TNRC18: variants seen among roughly 807,000 people sequenced by gnomAD.
TNRC18 encodes the protein trinucleotide repeat containing 18.
Under a neutral mutation model 226.7 loss-of-function variants are expected in TNRC18, and 69 were observed. The observed-to-expected ratio is 0.30, with a 90% CI of 0.25 to 0.37. The LOEUF (loss-of-function observed/expected upper bound fraction) is 0.37, where lower values mean the gene tolerates loss of function less well. TNRC18 is among the 10% of genes least tolerant of loss of function. The probability of loss-of-function intolerance (pLI) is 1.00; values close to 1 mark genes in which losing one functional copy is unlikely to be tolerated. For synonymous variants in TNRC18, 2,449 were observed against 1,927.6 expected (o/e 1.27, Z -7.09); for missense variants, 4,754 against 4,256.6 (o/e 1.12, Z -3.25).
chr7:5,347,313 G>A (rs925015322), intron 17 of TNRC18, among the ~76,000 whole-genome samples: 1 of 149,336 alleles, frequency 6.7e-6, no homozygotes, highest in Non-Finnish European at 1.5e-5. Context: ...TCAGCCTCTC[G>A]AGTAGTGGGA....
At chr7:5,422,188 T>G (rs1057425198) in intron 1 of TNRC18, among the ~76,000 whole-genome samples, 20 of 151,862 alleles carry the variant, frequency 1.3e-4, no homozygotes, top group Non-Finnish European at 2.1e-4. Context: ...CTGGAAAGAA[T>G]CCTACAAAAC....
At chr7:5,345,516 C>CGGGGGGGGCA in intron 18 of TNRC18, 46 bp downstream of exon 18, 1 of 354,368 alleles carries the variant, frequency 2.8e-6, no homozygotes, top group Non-Finnish European at 5.2e-6. Flanking sequence ...CAATGGCGTC[C>CGGGGGGGGCA]GCCCCTCCCA....
At position 5,389,285 on chromosome 7, in the gene TNRC18, G is replaced by A. The variant is rs766479555; in HGVS notation, c.539C>T (p.Ala180Val). 16 of 1,289,186 alleles carry A rather than the reference G, an allele frequency of 1.2e-5. No homozygotes were observed. The highest frequency in any genetic ancestry group is 5.3e-4 in the Middle Eastern group (2 of 3,764). 79.9% of individuals were successfully genotyped at this position (1,289,186 alleles called of 1,614,324 possible). A position where few individuals can be genotyped will look rare whatever the true frequency, so the allele number is the denominator to read the frequency against. The change falls in exon 5 of 30, where the codon GCG becomes GTG. Residue 180 changes from alanine (A) to valine (V), a missense_variant. Transcript: ENST00000430969. ...GCCGCCAGGGGTCCGGGCCGAGGGC[G>A]CGTGAGAGTGCAGGGAGCCCGGAGC... ...AGAPGSLHSH[A>V]PSARTPGGGH...
chr7:5,393,147 G>C (rs1391114496), intron 3 of TNRC18, among the ~76,000 whole-genome samples: 2 of 152,252 alleles, frequency 1.3e-5, no homozygotes, highest in African/African-American at 4.8e-5. Context: ...AAAGAGAAAA[G>C]TCTCAGGGAC....
chr7:5,412,562 C>T (rs1781913228), intron 2 of TNRC18, among the ~76,000 whole-genome samples: 3 of 151,332 alleles, frequency 2.0e-5, no homozygotes, highest in African/African-American at 7.3e-5. Context: ...GGAGACAGAG[C>T]GAGACACTGT....
In TNRC18 at chr7:5,357,219, C is replaced by G. The variant is rs1263875653; in HGVS notation, c.4891G>C (p.Asp1631His). 2 of 1,612,150 alleles carry G rather than the reference C, an allele frequency of 1.2e-6. No individual in the cohort carries two copies. The highest frequency in any genetic ancestry group is 1.3e-5 in the African/African-American group (1 of 75,000). Residue 1631 changes from aspartate (D) to histidine (H), a missense_variant, in exon 16 of 30, where the codon GAC becomes CAC. Physicochemically the swap from Asp to His is moderately conservative, Grantham distance 81. Coordinates refer to ENST00000430969, the MANE Select transcript of TNRC18 (RefSeq NM_001080495.3). ...TGCTTGGTGAGGGAGAGGGCCTTGT[C>G]GAGCTTGCTTGCCAACTGCTCCTGG... is the stretch of plus-strand genomic sequence containing the variant. ...SDQEQLASKL[D>H]KALSLTKQDK...
At chr7:5,384,400 C>G (rs1779612434) in intron 5 of TNRC18, among the ~76,000 whole-genome samples, 1 of 152,150 alleles carries the variant, frequency 6.6e-6, no homozygotes, top group Non-Finnish European at 1.5e-5. Context: ...CATACCCAGC[C>G]CCCAACCAGT....
chr7:5,357,128 C>A lies in TNRC18; in HGVS notation c.4982G>T (p.Gly1661Val), dbSNP rs747184416. The A allele has an allele frequency of 1.9e-6, 3 of 1,557,844 alleles. No individual in the cohort carries two copies. In the African/African-American group the frequency reaches 4.1e-5, roughly 21 times the overall value. ...SAGGKSKTSG[G>V]CGRYLTPYDS... ...GTAAGGAGTCAAGTACCTGCCGCAG[C>A]CCCCGCTAGTTTTCGATTTCCCCCC... The change falls in exon 16 of 30, where the codon GGC (glycine) becomes GTC (valine). Residue 1661 changes from glycine (G) to valine (V), a missense_variant. Physicochemically the swap from Gly to Val is moderately radical, Grantham distance 109. Coordinates refer to ENST00000430969, the MANE Select transcript of TNRC18 (RefSeq NM_001080495.3).
chr7:5,362,701 C>T lies in TNRC18; in HGVS notation c.4344G>A (p.Arg1448=), dbSNP rs1446949441. 1.4e-5 allele frequency: 22 copies of T among 1,582,862 alleles called. No homozygotes were observed. The highest frequency in any genetic ancestry group is 1.7e-5 in the Non-Finnish European group (20 of 1,165,694). ...TGTACTTCTTGTTGGGCTTCAGCTCCCGCGGGAGCCGCAGGTTCTTGAGTG... is the reference window on the plus strand; with the variant it reads ...TGTACTTCTTGTTGGGCTTCAGCTCTCGCGGGAGCCGCAGGTTCTTGAGTG... ...VDPLKNLRLP[R]ELKPNKKYSW... is the part of the protein sequence containing the mutation. The change falls in exon 12 of 30, where the codon CGG becomes CGA. Residue 1448 remains arginine, a synonymous_variant. Transcript: ENST00000430969.
chr7:5,402,890 G>A (rs1192914338), intron 2 of TNRC18, among the ~76,000 whole-genome samples: 1 of 151,784 alleles, frequency 6.6e-6, no homozygotes, highest in Non-Finnish European at 1.5e-5. Flanking sequence ...GAATGGGGGG[G>A]CAAGGTCCTG....
At chr7:5,374,523 G>C in intron 9 of TNRC18, 39 bp from the exon 10 acceptor site, 1 of 1,523,078 alleles carries the variant, frequency 6.6e-7, no homozygotes, top group East Asian at 2.6e-5. Flanking sequence ...CACGGCACGA[G>C]TTTCCCCCTC....
chr7:5,347,797 A>T (rs1791357485), intron 17 of TNRC18, among the ~76,000 whole-genome samples: 1 of 151,980 alleles, frequency 6.6e-6, no homozygotes, highest in Non-Finnish European at 1.5e-5. Context: ...TCTACTAAAA[A>T]TACAAAAATT....
chr7:5,399,484 G>A (rs964141942), intron 2 of TNRC18, among the ~76,000 whole-genome samples: 5 of 152,010 alleles, frequency 3.3e-5, no homozygotes, highest in Admixed American at 6.6e-5. Context: ...AGGACGAGGC[G>A]GGCAGATCAC....
intron 19 of TNRC18, among the ~76,000 whole-genome samples, chr7:5,327,394 TG>T (rs1562497321): frequency 6.8e-6 from 1 of 147,524 alleles, no homozygotes; most frequent in African/African-American, 2.5e-5. Flanking sequence ...TGTGTGTGTG[TG>T]TGTGTGTGTG....
chr7:5,412,800 C>G (rs959795605), intron 2 of TNRC18, among the ~76,000 whole-genome samples: 2 of 152,150 alleles, frequency 1.3e-5, no homozygotes, highest in Admixed American at 1.3e-4. Context: ...CCAGGAGCTT[C>G]CAGGGACCCC....
At chr7:5,422,964 G>C (rs185085001) in intron 1 of TNRC18, 18 of 152,330 alleles carry the variant, frequency 1.2e-4, no homozygotes, top group African/African-American at 4.3e-4. Context: ...CCCCAGTTTG[G>C]GGAAGTCGGG....
rs766322608 is a variant in TNRC18, at chr7:5,332,655, G to C, written c.6114C>G (p.Ala2038=). The change falls in exon 19 of 30, where the codon GCC becomes GCG. Residue 2038 remains alanine (A), a synonymous_variant. Transcript: ENST00000430969. ...KGGPLSPRKD[A]GRAKDRKDPR... is the part of the protein sequence containing the mutation. The stretch of plus-strand genomic sequence containing the variant: ...GGTCCTTCCTGTCCTTTGCACGCCC[G>C]GCGTCCTTGCGCGGGCTCAGGGGGC... The C allele has an allele frequency of 4.6e-6, 7 of 1,531,872 alleles. No homozygotes were observed. In the South Asian group the frequency reaches 7.3e-5, roughly 16 times the overall value. 94.9% of individuals were successfully genotyped at this position (1,531,872 alleles called of 1,614,324 possible).
chr7:5,345,517 G>GGGGGGGGGGCCCCCCACCCCCCCCCC, intron 18 of TNRC18, 45 bp downstream of exon 18: 1 of 377,744 alleles, frequency 2.6e-6, no homozygotes. Flanking sequence ...AATGGCGTCC[G>GGGGGGGGGGCCCCCCACCCCCCCCCC]CCCCTCCCAC....
chr7:5,378,060 G>T, intron 5 of TNRC18, 36 bp from the exon 6 acceptor site: 1 of 1,576,254 alleles, frequency 6.3e-7, no homozygotes, highest in Non-Finnish European at 8.6e-7. Flanking sequence ...CCCCCAGCCA[G>T]CACCGAGCCC....
Sources: allele counts gnomAD v4.1 joint callset (sites outside exome capture counted in the v4.1 genomes callset), GRCh38; gene constraint gnomAD v4.1.1; transcripts MANE v1.5; gene names NCBI Gene and HGNC (gene_info 2026-07-23, HGNC 2026-07-21).